Variants in FAT3 observed in about 807,000 individuals in gnomAD.
The protein encoded by FAT3 is FAT atypical cadherin 3, also known as protocadherin Fat 3.
Under a neutral mutation model 310.2 loss-of-function variants are expected in FAT3, and 95 were observed. The ratio of observed to expected loss-of-function variants is 0.31; its 90% CI spans 0.26 to 0.36. The LOEUF (loss-of-function observed/expected upper bound fraction) is 0.36, where lower values mean the gene tolerates loss of function less well. Among genes scored for constraint, FAT3 ranks in the 10% least tolerant of loss-of-function variants. The pLI is 1.00. For synonymous variants in FAT3, 2,314 were observed against 2,192.9 expected, an observed-to-expected ratio of 1.06 and a Z score of -1.54; for missense variants, 5,408 against 5,715.6, an observed-to-expected ratio of 0.95 and a Z score of 1.74.
chr11:92,649,414 A>G (rs1942288180), intron 3 of FAT3, among the ~76,000 whole-genome samples: 2 of 152,182 alleles, frequency 1.3e-5, no homozygotes, highest in Non-Finnish European at 2.9e-5. Flanking sequence ...TGAGTGAGGG[A>G]AAAAGCTATT....
chr11:92,787,409 G>A (rs1946923034), intron 7 of FAT3, among the ~76,000 whole-genome samples: 2 of 151,730 alleles, frequency 1.3e-5, no homozygotes, highest in African/African-American at 4.8e-5. Context: ...TAAAAAGCAA[G>A]TCTAAAATTT....
chr11:92,521,444 G>A (rs1219059170), intron 2 of FAT3, among the ~76,000 whole-genome samples: 1 of 152,110 alleles, frequency 6.6e-6, no homozygotes, highest in Non-Finnish European at 1.5e-5. Context: ...CTGCTTTAGG[G>A]TGTGATTACC....
chr11:92,785,581 CAG>C (rs1307834874), intron 7 of FAT3, among the ~76,000 whole-genome samples: 7 of 151,528 alleles, frequency 4.6e-5, no homozygotes, highest in Admixed American at 6.6e-5. Context: ...CCAAAAAAAA[CAG>C]TGAAATATAT....
rs140807501 is a variant in FAT3, at chr11:92,443,350, C to G, written c.3293-81284C>G. On this transcript the variant is annotated intron_variant, in intron 2 of 27. Transcript: ENST00000525166. ...ACTGTACTGTATTGTCAAATCCTTG[C>G]AGAACTACTGAGAACATTCCTGGCA... Among the ~76,000 whole-genome samples the G allele has an allele frequency of 2.3e-3, 347 of 152,324 alleles. 1 individual carries two copies. Among genetic ancestry groups the G allele is most frequent in the South Asian group, 7.7e-3 (37 of 4,824 alleles).
At chr11:92,527,980 T>C (rs1324542826) in intron 3 of FAT3, among the ~76,000 whole-genome samples, 1 of 152,206 alleles carries the variant, frequency 6.6e-6, no homozygotes, top group Non-Finnish European at 1.5e-5. Flanking sequence ...AGTTGGAATT[T>C]TTAGAATTTG....
At position 92,730,615 on chromosome 11, in the gene FAT3, A is replaced by G. The variant is rs117145258; in HGVS notation, c.3670-31241A>G. On this transcript the variant is annotated intron_variant, in intron 4 of 27. Transcript: ENST00000525166. ...GTTAATGATACTCCTTATAAAATGT[A>G]TGTTTGCCTGCTTTTGAATTTGCGC... Among the ~76,000 whole-genome samples the G allele has an allele frequency of 7.9e-5, 12 of 152,300 alleles. No individual in the cohort carries two copies. In the East Asian group the frequency reaches 1.9e-3, roughly 25 times the overall value.
intron 13 of FAT3, among the ~76,000 whole-genome samples, chr11:92,817,428 G>T (rs1481720102): frequency 6.6e-6 from 1 of 152,176 alleles, no homozygotes; most frequent in African/African-American, 2.4e-5. Flanking sequence ...GACACTAAGA[G>T]AACTTATCTT....
At chr11:92,717,043 A>T (rs1944712092) in intron 4 of FAT3, among the ~76,000 whole-genome samples, 2 of 152,180 alleles carry the variant, frequency 1.3e-5, no homozygotes, top group Non-Finnish European at 2.9e-5. Context: ...CTCAATTGTA[A>T]AATGAAGATA....
intron 1 of FAT3, among the ~76,000 whole-genome samples, chr11:92,289,500 TACACACAC>T (rs10562084): frequency 0.028 from 4,029 of 144,316 alleles, 183 homozygotes; most frequent in African/African-American, 0.097. Flanking sequence ...CCATGATAGA[TACACACAC>T]ACACACACAC....
intron 4 of FAT3, among the ~76,000 whole-genome samples, chr11:92,702,469 A>T (rs963337595): frequency 1.3e-5 from 2 of 152,144 alleles, no homozygotes; most frequent in African/African-American, 4.8e-5. Context: ...CCTTTTCTTC[A>T]TCTGGAAAAT....
chr11:92,705,829 GTGA>G (rs1224880020), intron 4 of FAT3, among the ~76,000 whole-genome samples: 209 of 4,416 alleles, frequency 0.047, no homozygotes, highest in Admixed American at 0.073. Flanking sequence ...GATGGTGGTG[GTGA>G]TGGTGGTGGT....
At chr11:92,412,738 T>TATATACACACAC (rs1555038595) in intron 2 of FAT3, among the ~76,000 whole-genome samples, 2 of 63,734 alleles carry the variant, frequency 3.1e-5, no homozygotes, top group African/African-American at 9.0e-5. Flanking sequence ...TATATATATA[T>TATATACACACAC]ATATATAAAT....
At position 92,343,749 on chromosome 11, in the gene FAT3, G is replaced by T. The variant is rs544152161; in HGVS notation, c.-17-8347G>T. Among the ~76,000 whole-genome samples the T allele has an allele frequency of 3.3e-5, 5 of 152,276 alleles. No homozygotes were observed. In the South Asian group the frequency reaches 6.2e-4, roughly 19 times the overall value. On this transcript the variant is annotated intron_variant, in intron 1 of 27. Coordinates refer to ENST00000525166, the MANE Select transcript of FAT3 (RefSeq NM_001367949.2). ...TGTTTATATGACAAGTATTGGAACA[G>T]TTTCTTCAGGGATGACACTCAGCTT...
intron 3 of FAT3, among the ~76,000 whole-genome samples, chr11:92,686,466 C>G (rs1231719560): frequency 2.0e-5 from 3 of 152,048 alleles, no homozygotes; most frequent in Non-Finnish European, 4.4e-5. Flanking sequence ...GTTAATTTAC[C>G]TAGGTAGTGC....
chr11:92,600,818 G>A (rs998626405), intron 3 of FAT3, among the ~76,000 whole-genome samples: 1 of 152,142 alleles, frequency 6.6e-6, no homozygotes, highest in Non-Finnish European at 1.5e-5. Context: ...TTGATTGAGG[G>A]CATCAGTGAC....
chr11:92,421,719 T>C, intron 2 of FAT3, among the ~76,000 whole-genome samples: 1 of 152,182 alleles, frequency 6.6e-6, no homozygotes, highest in East Asian at 1.9e-4. Context: ...CCTTTCCTCT[T>C]GGCTATATCT....
At chr11:92,293,543 TATATATATAA>T (rs34696734) in intron 1 of FAT3, among the ~76,000 whole-genome samples, 5,941 of 31,250 alleles carry the variant, frequency 0.19, 268 homozygotes, top group African/African-American at 0.23. Context: ...TATATATATA[TATATATATAA>T]ATAAAATATA....
intron 2 of FAT3, among the ~76,000 whole-genome samples, chr11:92,447,236 T>C (rs1191127327): frequency 5.9e-5 from 9 of 151,886 alleles, no homozygotes; most frequent in Admixed American, 2.0e-4. Flanking sequence ...TGTGTGTGTG[T>C]GTGTGTGTGT....
chr11:92,889,659 A>G (rs1254563556), intron 26 of FAT3, among the ~76,000 whole-genome samples, 197 bp from the exon 27 acceptor site: 1 of 152,230 alleles, frequency 6.6e-6, no homozygotes, highest in East Asian at 1.9e-4. Context: ...AGGGCCTGGC[A>G]TAAATGTGAT....
Sources: allele counts gnomAD v4.1 joint callset (sites outside exome capture counted in the v4.1 genomes callset), GRCh38; gene constraint gnomAD v4.1.1; transcripts MANE v1.5; gene names NCBI Gene and HGNC (gene_info 2026-07-23, HGNC 2026-07-21).